AGBL4: variants seen among roughly 807,000 people sequenced by gnomAD.
AGBL4 encodes cytosolic carboxypeptidase 6.
In AGBL4, 58 loss-of-function variants were observed where a neutral mutation model predicts 66.4. The observed-to-expected ratio is 0.87, with a 90% CI of 0.71 to 1.09. The LOEUF is 1.09. Ranked by LOEUF, AGBL4 falls within the 50% of genes least tolerant of loss-of-function variation. The probability of loss-of-function intolerance (pLI) is 0.00; values close to 1 mark genes in which losing one functional copy is unlikely to be tolerated. For synonymous variants in AGBL4, 234 were observed against 222.9 expected (o/e 1.05, Z -0.44); for missense variants, 579 against 631.0 (o/e 0.92, Z 0.88).
chr1:49,616,618 C>T (rs757115483), intron 3 of AGBL4, among the ~76,000 whole-genome samples: 3 of 152,164 alleles, frequency 2.0e-5, no homozygotes, highest in Non-Finnish European at 4.4e-5. Flanking sequence ...TCCAGACTCA[C>T]TTATCCAACT....
At chr1:49,308,866 T>C (rs72684856) in intron 3 of AGBL4, among the ~76,000 whole-genome samples, 2 of 152,250 alleles carry the variant, frequency 1.3e-5, no homozygotes, top group Non-Finnish European at 2.9e-5. Context: ...CACTGTGTAA[T>C]AGGCCATGTT....
chr1:48,784,204 C>T (rs557257280), intron 6 of AGBL4, among the ~76,000 whole-genome samples: 23 of 152,216 alleles, frequency 1.5e-4, no homozygotes, highest in Non-Finnish European at 3.1e-4. Flanking sequence ...TGGCACAGTG[C>T]CTGACACTGT....
chr1:49,545,358 A>T (rs1652386991), intron 3 of AGBL4, among the ~76,000 whole-genome samples: 1 of 152,062 alleles, frequency 6.6e-6, no homozygotes, highest in Admixed American at 6.6e-5. Flanking sequence ...CCTACCAAAA[A>T]CCATGTGAGT....
intron 4 of AGBL4, among the ~76,000 whole-genome samples, chr1:49,051,745 C>A (rs1469604516): frequency 6.6e-6 from 1 of 152,140 alleles, no homozygotes; most frequent in East Asian, 1.9e-4. Context: ...ATCCTATCTT[C>A]CACCAAATAA....
At chr1:49,704,519 A>G (rs1647164658) in intron 2 of AGBL4, among the ~76,000 whole-genome samples, 1 of 152,142 alleles carries the variant, frequency 6.6e-6, no homozygotes, top group African/African-American at 2.4e-5. Flanking sequence ...ATATAAAAGA[A>G]TGATACTGCC....
intron 1 of AGBL4, among the ~76,000 whole-genome samples, chr1:49,930,860 T>C (rs1653270038): frequency 6.6e-6 from 1 of 152,160 alleles, no homozygotes; most frequent in Non-Finnish European, 1.5e-5. Flanking sequence ...CAAGGATATC[T>C]ACATCAACCA....
At chr1:49,934,358 C>T (rs1250355859) in intron 1 of AGBL4, among the ~76,000 whole-genome samples, 1 of 152,150 alleles carries the variant, frequency 6.6e-6, no homozygotes, top group African/African-American at 2.4e-5. Flanking sequence ...CCGAAGCACA[C>T]ATGGAACATT....
intron 1 of AGBL4, among the ~76,000 whole-genome samples, chr1:49,936,938 G>A (rs574182090): frequency 6.6e-6 from 1 of 152,228 alleles, no homozygotes; most frequent in African/African-American, 2.4e-5. Context: ...CAACTAACGA[G>A]CAAAATAACC....
intron 4 of AGBL4, among the ~76,000 whole-genome samples, chr1:49,186,493 T>C (rs1416250058): frequency 2.0e-5 from 3 of 152,186 alleles, no homozygotes; most frequent in East Asian, 1.9e-4. Flanking sequence ...TGGTCCTCAG[T>C]TTTATCACCT....
intron 3 of AGBL4, among the ~76,000 whole-genome samples, chr1:49,651,205 C>A (rs920485361): frequency 1.3e-5 from 2 of 152,126 alleles, no homozygotes; most frequent in Admixed American, 1.3e-4. Context: ...AACCTTGCAA[C>A]AAGGGCATGA....
chr1:49,442,204 T>C (rs1646050140), intron 3 of AGBL4, among the ~76,000 whole-genome samples: 1 of 152,138 alleles, frequency 6.6e-6, no homozygotes, highest in Admixed American at 6.5e-5. Flanking sequence ...CAGAGAGAGA[T>C]ATTAAACACA....
At chr1:48,703,860 T>C (rs1646840583) in intron 6 of AGBL4, among the ~76,000 whole-genome samples, 1 of 152,266 alleles carries the variant, frequency 6.6e-6, no homozygotes, top group Admixed American at 6.5e-5. Flanking sequence ...ATTGCTTTGT[T>C]GTTAACTGAT....
At chr1:49,863,309 G>A (rs540818120) in intron 1 of AGBL4, among the ~76,000 whole-genome samples, 2 of 152,222 alleles carry the variant, frequency 1.3e-5, no homozygotes, top group African/African-American at 2.4e-5. Flanking sequence ...AATACCTTAA[G>A]ACTTCAAACT....
intron 6 of AGBL4, among the ~76,000 whole-genome samples, chr1:48,773,260 T>C (rs1351499479): frequency 6.6e-6 from 1 of 151,622 alleles, no homozygotes; most frequent in Non-Finnish European, 1.5e-5. Flanking sequence ...AAAAAAAAAA[T>C]AAAATTCAAC....
intron 3 of AGBL4, among the ~76,000 whole-genome samples, chr1:49,439,914 T>G (rs1002953118): frequency 6.6e-6 from 1 of 152,140 alleles, no homozygotes; most frequent in Non-Finnish European, 1.5e-5. Context: ...TCCTATTAGT[T>G]CTGTCCCTCT....
chr1:49,804,257 G>A (rs1314250379), intron 2 of AGBL4, among the ~76,000 whole-genome samples: 1 of 152,156 alleles, frequency 6.6e-6, no homozygotes, highest in East Asian at 1.9e-4. Context: ...TACCTGTGAT[G>A]GCAGATATTA....
At chr1:49,951,537 T>C (rs567558080) in intron 1 of AGBL4, among the ~76,000 whole-genome samples, 2 of 152,054 alleles carry the variant, frequency 1.3e-5, no homozygotes, top group South Asian at 2.1e-4. Flanking sequence ...TTGATCCTTG[T>C]AGCCAAGGAT....
At chr1:49,881,950 G>C (rs1311528997) in intron 1 of AGBL4, among the ~76,000 whole-genome samples, 1 of 152,130 alleles carries the variant, frequency 6.6e-6, no homozygotes, top group Non-Finnish European at 1.5e-5. Context: ...TTTTGGACAT[G>C]AAGTCCTTGC....
chr1:49,684,682 A>G (rs1646755718), intron 3 of AGBL4, among the ~76,000 whole-genome samples: 2 of 152,222 alleles, frequency 1.3e-5, no homozygotes, highest in South Asian at 4.1e-4. Context: ...ATATAAATTG[A>G]CAGCATTATA....
Sources: allele counts gnomAD v4.1 joint callset (sites outside exome capture counted in the v4.1 genomes callset), GRCh38; gene constraint gnomAD v4.1.1; transcripts MANE v1.5; gene names NCBI Gene and HGNC (gene_info 2026-07-23, HGNC 2026-07-21).